G6PC2: variants seen among roughly 807,000 people sequenced by gnomAD.
G6PC2 encodes the protein glucose-6-phosphatase 2.
G6PC2 carries 41 observed loss-of-function variants against 35.4 expected under a neutral mutation model. That is an observed-to-expected ratio of 1.16 (90% confidence interval 0.90 to 1.50). G6PC2 has a LOEUF of 1.50. Ranked by LOEUF, G6PC2 falls within the 40% of genes most tolerant of loss-of-function variation. The probability of loss-of-function intolerance (pLI) is 0.00; values close to 1 mark genes in which losing one functional copy is unlikely to be tolerated. For missense variants in G6PC2, 441 were observed against 426.5 expected, an observed-to-expected ratio of 1.03 and a Z score of -0.30; for synonymous variants, 165 against 153.2, an observed-to-expected ratio of 1.08 and a Z score of -0.57.
At chr2:168,906,524 G>A (rs567961075) in intron 3 of G6PC2, 140 bp from the exon 4 acceptor site, 341 of 674,054 alleles carry the variant, frequency 5.1e-4, no homozygotes, top group Non-Finnish European at 4.0e-4. Flanking sequence ...ACAACATTTT[G>A]AAAAAAAAGA....
At chr2:168,906,075 C>CAAAAAAA (rs11320926) in intron 3 of G6PC2, among the ~76,000 whole-genome samples, 1 of 121,548 alleles carries the variant, frequency 8.2e-6, no homozygotes, top group Non-Finnish European at 1.7e-5. Flanking sequence ...TTCTGTGTCT[C>CAAAAAAA]AAAAAAAAAA....
intron 1 of G6PC2, 96 bp downstream of exon 1, chr2:168,901,645 T>C (rs1690597857): frequency 1.4e-5 from 10 of 715,296 alleles, no homozygotes; most frequent in South Asian, 7.9e-5. Flanking sequence ...ATCGTTTTAC[T>C]TGGAAAATCT....
chr2:168,903,306 G>T (rs1690640119), intron 2 of G6PC2, among the ~76,000 whole-genome samples: 1 of 152,198 alleles, frequency 6.6e-6, no homozygotes, highest in African/African-American at 2.4e-5. Context: ...TTTGAGTAAA[G>T]GGTAGTAGAG....
chr2:168,902,520 T>C lies in G6PC2; in HGVS notation c.294T>C (p.Leu98=), dbSNP rs1226207222. The C allele has an allele frequency of 1.3e-6, 2 of 1,571,486 alleles. No individual in the cohort carries two copies. Among genetic ancestry groups the C allele is most frequent in the African/African-American group, 1.4e-5 (1 of 74,066 alleles). ...ACCCAAATCACTCAAGTCCATGCCT[T>C]GAACAGTTCCCTACTACATGTGAAA... ...QIYPNHSSPC[L]EQFPTTCETG... is the part of the protein sequence containing the mutation. The change falls in exon 2 of 5, where the codon CTT becomes CTC. Residue 98 remains leucine, a synonymous_variant. Coordinates refer to ENST00000375363, the MANE Select transcript of G6PC2 (RefSeq NM_021176.3).
Position 168,901,396 on chromosome 2 carries a change from A to G in G6PC2, c.65A>G (p.Tyr22Cys), listed in dbSNP as rs1690588216. 3 of 1,604,132 alleles carry G rather than the reference A, an allele frequency of 1.9e-6. No individual in the cohort carries two copies. Among genetic ancestry groups the G allele is most frequent in the Non-Finnish European group, 2.6e-6 (3 of 1,170,868 alleles). ...IQHLQKDYRA[Y>C]YTFLNFMSNV... Reference sequence around the variant, plus strand: ...CATTTGCAGAAGGACTACCGAGCTTACTACACTTTTCTAAATTTTATGTCC... The same window carrying G: ...CATTTGCAGAAGGACTACCGAGCTTGCTACACTTTTCTAAATTTTATGTCC... Residue 22 changes from tyrosine to cysteine, a missense_variant, in exon 1 of 5, where the codon TAC becomes TGC. By Grantham distance (194) the Tyr-to-Cys change is radical (BLOSUM62 -2). Transcript: ENST00000375363.
rs769873771 is a variant in G6PC2 at position 168,901,378 on chromosome 2, A to G, written c.47A>G (p.Gln16Arg). Residue 16 changes from glutamine to arginine, a missense_variant, in exon 1 of 5, where the codon CAG becomes CGG. Physicochemically the swap from Gln to Arg is conservative, Grantham distance 43. Coordinates refer to ENST00000375363, the MANE Select transcript of G6PC2 (RefSeq NM_021176.3). Reference protein sequence around the residue: ...RNGVLIIQHLQKDYRAYYTFL... With the variant: ...RNGVLIIQHLRKDYRAYYTFL... ...GGAGTGCTCATAATTCAGCATTTGC[A>G]GAAGGACTACCGAGCTTACTACACT... The G allele has an allele frequency of 1.4e-5, 23 of 1,606,642 alleles. No individual in the cohort carries two copies. Among genetic ancestry groups the G allele is most frequent in the African/African-American group, 4.0e-5 (3 of 74,792 alleles).
rs748466993 is a variant in G6PC2 at position 168,907,747 on chromosome 2, C to G, written c.736C>G (p.Pro246Ala). Residue 246 changes from proline to alanine, a missense_variant, in exon 5 of 5, where the codon CCC (proline) becomes GCC (alanine). Pro to Ala is a conservative substitution (Grantham distance 27, BLOSUM62 -1). Transcript: ENST00000375363. ...CATAGCCAAAAAGTGGTGTGCTAAC[C>G]CCGACTGGATCCACATTGACACCAC... ...VPIAKKWCAN[P>A]DWIHIDTTPF... 6.2e-6 allele frequency: 10 copies of G among 1,613,950 alleles called. No homozygotes were observed. Among genetic ancestry groups the G allele is most frequent in the Non-Finnish European group, 8.5e-6 (10 of 1,179,974 alleles).
At position 168,909,550 on chromosome 2, in the gene G6PC2, G is replaced by GA. The variant is rs1414195771; in HGVS notation, c.*1475dup. The GA allele has an allele frequency of 6.6e-6, 1 of 152,148 alleles. No homozygotes were observed. The highest frequency in any genetic ancestry group is 6.5e-5 in the Admixed American group (1 of 15,270). The allele number at this position is 152,148 out of a possible 1,614,324, so 9.4% of individuals were successfully genotyped here. On this transcript the variant is annotated 3_prime_UTR_variant, in exon 5 of 5. Coordinates refer to ENST00000375363, the MANE Select transcript of G6PC2 (RefSeq NM_021176.3). The stretch of plus-strand genomic sequence containing the variant: ...GATGAAAATCTATAGCTTTGTTTTA[G>GA]AAAATTATTGTTGATGGACTATTAA...
intron 4 of G6PC2, 39 bp from the exon 5 acceptor site, chr2:168,907,529 G>A (rs1316237598): frequency 1.9e-6 from 3 of 1,606,342 alleles, no homozygotes; most frequent in Admixed American, 3.3e-5. Context: ...GGGGCTCAAG[G>A]GCACACAGTC....
chr2:168,904,548 T>C lies in G6PC2; in HGVS notation c.372T>C (p.Tyr124=), dbSNP rs1319327701. The C allele has an allele frequency of 1.2e-6, 2 of 1,613,014 alleles. No individual in the cohort carries two copies. Among genetic ancestry groups the C allele is most frequent in the South Asian group, 1.1e-5 (1 of 91,050 alleles). The change falls in exon 3 of 5, where the codon TAT becomes TAC. Residue 124 remains tyrosine (Y), a synonymous_variant. Coordinates refer to ENST00000375363, the MANE Select transcript of G6PC2 (RefSeq NM_021176.3). ...GHAMGASCVW[Y]VMVTAALSHT... ...CAATGGGCGCATCCTGTGTCTGGTATGTCATGGTAACCGCTGCCCTGAGCC... is the reference window on the plus strand; with the variant it reads ...CAATGGGCGCATCCTGTGTCTGGTACGTCATGGTAACCGCTGCCCTGAGCC...
At chr2:168,907,322 C>T (rs538899937) in intron 4 of G6PC2, among the ~76,000 whole-genome samples, 2 of 152,148 alleles carry the variant, frequency 1.3e-5, no homozygotes, top group Non-Finnish European at 2.9e-5. Context: ...GTCTAAAAAG[C>T]GGGTTGTCAG....
chr2:168,902,387 A>G, intron 1 of G6PC2, 58 bp from the exon 2 acceptor site: 1 of 780,388 alleles, frequency 1.3e-6, no homozygotes. Flanking sequence ...CTAATCTCCA[A>G]TTAAATAATA....
Position 168,908,349 on chromosome 2 carries a change from C to T in G6PC2, c.*270C>T, listed in dbSNP as rs746860504. 24 of 521,770 alleles carry T rather than the reference C, an allele frequency of 4.6e-5. No homozygotes were observed. Among genetic ancestry groups the T allele is most frequent in the Non-Finnish European group, 6.9e-5 (20 of 290,872 alleles). The allele number at this position is 521,770 out of a possible 1,614,324, so 32.3% of individuals were successfully genotyped here. A position where few individuals can be genotyped will look rare whatever the true frequency, so the allele number is the denominator to read the frequency against. On this transcript the variant is annotated 3_prime_UTR_variant, in exon 5 of 5. Coordinates refer to ENST00000375363, the MANE Select transcript of G6PC2 (RefSeq NM_021176.3). ...AATCTGATAGTATGACAACACAGAG[C>T]CTGCATCCCCAGCTGGAGACAACTG...
chr2:168,906,100 A>C (rs1690704335), intron 3 of G6PC2, among the ~76,000 whole-genome samples: 1 of 139,200 alleles, frequency 7.2e-6, no homozygotes, highest in Non-Finnish European at 1.5e-5. Context: ...AAACAAAACA[A>C]AACCCAAAAC....
At chr2:168,904,711 A>G (rs923329662) in intron 3 of G6PC2, 95 bp downstream of exon 3, 2 of 760,288 alleles carry the variant, frequency 2.6e-6, no homozygotes, top group Admixed American at 1.8e-5. Flanking sequence ...GTTTTAGTCA[A>G]TGAATAAAAT....
rs781039053 is a variant in G6PC2 at position 168,908,530 on chromosome 2, A to G, written c.*451A>G. The G allele has an allele frequency of 2.8e-5, 6 of 216,642 alleles. No homozygotes were observed. The highest frequency in any genetic ancestry group is 2.6e-4 in the Admixed American group (5 of 19,064). 13.4% of individuals were successfully genotyped at this position (216,642 alleles called of 1,614,324 possible). On this transcript the variant is annotated 3_prime_UTR_variant, in exon 5 of 5. Transcript: ENST00000375363. ...TGACATTTTAGTGGGGACCACAGCC[A>G]TATCCAGTTTCAGTTTTCAGATGAG...
intron 2 of G6PC2, 117 bp downstream of exon 2, chr2:168,902,671 G>C: frequency 1.4e-6 from 1 of 714,970 alleles, no homozygotes; most frequent in Non-Finnish European, 2.6e-6. Flanking sequence ...TCATGAGTGA[G>C]GATGCTAAAA....
chr2:168,906,578 A>C, intron 3 of G6PC2, 86 bp from the exon 4 acceptor site: 1 of 775,658 alleles, frequency 1.3e-6, no homozygotes, highest in Non-Finnish European at 2.4e-6. Context: ...GATTCTTCTG[A>C]GAAGGATCAT....
intron 4 of G6PC2, 36 bp from the exon 5 acceptor site, chr2:168,907,532 A>G: frequency 1.2e-6 from 2 of 1,608,292 alleles, no homozygotes; most frequent in Non-Finnish European, 1.7e-6. Context: ...GCTCAAGGGC[A>G]CACAGTCATT....
Sources: gnomAD v4.1 joint callset for allele counts (sites outside exome capture counted in the v4.1 genomes callset) on GRCh38, gnomAD v4.1.1 for gene constraint, MANE v1.5 for transcripts, NCBI Gene and HGNC (gene_info 2026-07-23, HGNC 2026-07-21) for gene names.